Variants in ZNF461 observed in about 807,000 individuals in gnomAD.
The protein encoded by ZNF461 is zinc finger protein 461.
A neutral mutation model predicts 18.3 loss-of-function variants in ZNF461; 16 were observed. That is an observed-to-expected ratio of 0.88 (90% CI 0.59 to 1.33). ZNF461 has a LOEUF of 1.33. Ranked by LOEUF, ZNF461 falls within the 40% of genes most tolerant of loss-of-function variation. The pLI is 0.00. For synonymous variants in ZNF461, 179 were observed against 216.9 expected (o/e 0.83, Z 1.54); for missense variants, 595 against 669.9 (o/e 0.89, Z 1.23).
intron 4 of ZNF461, among the ~76,000 whole-genome samples, chr19:36,644,961 G>A (rs2145375827): frequency 1.3e-5 from 2 of 152,132 alleles, no homozygotes; most frequent in Admixed American, 1.3e-4. Flanking sequence ...GCTCACATCT[G>A]TAATCCCAGC....
chr19:36,664,574 A>T (rs2037871282), intron 2 of ZNF461, 124 bp downstream of exon 2: 1 of 686,910 alleles, frequency 1.5e-6, no homozygotes, highest in Non-Finnish European at 2.2e-6. Context: ...CCCACCTGGG[A>T]GACAGCGAGG....
At chr19:36,659,376 G>C (rs1463923607) in intron 2 of ZNF461, among the ~76,000 whole-genome samples, 3 of 152,132 alleles carry the variant, frequency 2.0e-5, no homozygotes, top group Non-Finnish European at 4.4e-5. Flanking sequence ...ATTTTGGGTT[G>C]GTTTATTATC....
chr19:36,642,675 T>TA (rs2037446412), intron 5 of ZNF461, among the ~76,000 whole-genome samples: 1 of 150,454 alleles, frequency 6.6e-6, no homozygotes, highest in Admixed American at 6.7e-5. Context: ...AGCAGGAAGT[T>TA]AGACTTCTTT....
chr19:36,646,333 T>C (rs1446852040), intron 4 of ZNF461, among the ~76,000 whole-genome samples: 1 of 152,152 alleles, frequency 6.6e-6, no homozygotes, highest in African/African-American at 2.4e-5. Context: ...AGTTTCACCA[T>C]GTTACCCAGG....
At chr19:36,651,233 GAAAAAA>G in intron 4 of ZNF461, among the ~76,000 whole-genome samples, 1 of 82,884 alleles carries the variant, frequency 1.2e-5, no homozygotes, top group Non-Finnish European at 2.3e-5. Flanking sequence ...TCCGTCTCAG[GAAAAAA>G]AAAAAAAAAA....
chr19:36,637,958 T>TA lies in ZNF461; in HGVS notation c.*694dup, dbSNP rs1321984460. 2 of 317,632 alleles carry TA rather than the reference T, an allele frequency of 6.3e-6. No homozygotes were observed. The highest frequency in any genetic ancestry group is 4.5e-5 in the African/African-American group (2 of 44,932). 19.7% of individuals were successfully genotyped at this position (317,632 alleles called of 1,614,324 possible). A position where few individuals can be genotyped will look rare whatever the true frequency, so the allele number is the denominator to read the frequency against. On this transcript the variant is annotated 3_prime_UTR_variant, in exon 6 of 6. Coordinates refer to ENST00000588268, the MANE Select transcript of ZNF461 (RefSeq NM_153257.5). The stretch of plus-strand genomic sequence containing the variant: ...ATTAAACAAAAAATTTAGAAGATTT[T>TA]AAAAAATAAATGTAATGTCAAAATA...
chr19:36,647,815 C>G (rs2037554960), intron 4 of ZNF461, among the ~76,000 whole-genome samples: 1 of 152,080 alleles, frequency 6.6e-6, no homozygotes, highest in South Asian at 2.1e-4. Flanking sequence ...GCGGTTTTCT[C>G]ATAAATGGTT....
At position 36,638,475 on chromosome 19, in the gene ZNF461, A is replaced by G. The variant is rs1484679727; in HGVS notation, c.*178T>C. ...TTTATTCTCAATAATGGTTAATACA[A>G]TAACTCAGAAACAGCATTAAAATGA... On this transcript the variant is annotated 3_prime_UTR_variant, in exon 6 of 6. Transcript: ENST00000588268. 7 of 503,986 alleles carry G rather than the reference A, an allele frequency of 1.4e-5. No individual in the cohort carries two copies. In the Admixed American group the frequency reaches 2.1e-4, roughly 15 times the overall value. The allele number at this position is 503,986 out of a possible 1,614,324, so 31.2% of individuals were successfully genotyped here. A position where few individuals can be genotyped will look rare whatever the true frequency, so the allele number is the denominator to read the frequency against.
At chr19:36,658,668 C>A in intron 2 of ZNF461, 1 of 352,762 alleles carries the variant, frequency 2.8e-6, no homozygotes, top group African/African-American at 2.1e-5. Context: ...GTTAATCAGT[C>A]ATCTCAAAAC....
At chr19:36,653,327 T>C (rs2037661068) in intron 4 of ZNF461, among the ~76,000 whole-genome samples, 1 of 152,178 alleles carries the variant, frequency 6.6e-6, no homozygotes, top group African/African-American at 2.4e-5. Context: ...TGTATGTGTA[T>C]ATGAAATAAA....
chr19:36,645,353 T>A (rs923376994), intron 4 of ZNF461: 5 of 152,196 alleles, frequency 3.3e-5, no homozygotes, highest in African/African-American at 1.2e-4. Context: ...GAAAATTTTT[T>A]AAAGTGTTTA....
intron 4 of ZNF461, among the ~76,000 whole-genome samples, chr19:36,649,695 T>G (rs1045517493): frequency 6.6e-6 from 1 of 152,110 alleles, no homozygotes; most frequent in Non-Finnish European, 1.5e-5. Flanking sequence ...GAGTAGATGT[T>G]AAATGTTCTC....
chr19:36,656,951 C>T (rs1394056634), intron 3 of ZNF461, among the ~76,000 whole-genome samples: 1 of 151,764 alleles, frequency 6.6e-6, no homozygotes, highest in African/African-American at 2.4e-5. Context: ...TCCTAAGTAG[C>T]TGGGATTATA....
chr19:36,638,838 C>T lies in ZNF461; in HGVS notation c.1507G>A (p.Gly503Arg). ...GEKPYECKEC[G>R]KAFSYHSSFS... The stretch of plus-strand genomic sequence containing the variant: ...CTTGAATGATAGCTAAAGGCCTTCC[C>T]ACATTCCTTACATTCATAGGGTTTC... The change falls in exon 6 of 6, where the codon GGG (glycine) becomes AGG (arginine). Residue 503 changes from glycine (G) to arginine (R), a missense_variant. Transcript: ENST00000588268. 1.2e-6 allele frequency: 2 copies of T among 1,614,042 alleles called. No homozygotes were observed. Among genetic ancestry groups the T allele is most frequent in the Non-Finnish European group, 8.5e-7 (1 of 1,180,020 alleles).
At chr19:36,656,729 C>T (rs2037727512) in intron 3 of ZNF461, among the ~76,000 whole-genome samples, 186 bp from the exon 4 acceptor site, 1 of 151,610 alleles carries the variant, frequency 6.6e-6, no homozygotes, top group African/African-American at 2.4e-5. Flanking sequence ...ACAAACAAAG[C>T]AAACAAACAG....
intron 4 of ZNF461, among the ~76,000 whole-genome samples, chr19:36,647,545 G>C (rs773055860): frequency 6.6e-5 from 10 of 151,520 alleles, no homozygotes; most frequent in Non-Finnish European, 7.4e-5. Flanking sequence ...TCTCAAAAAA[G>C]CAAAAAATAA....
intron 2 of ZNF461, among the ~76,000 whole-genome samples, chr19:36,661,973 G>A (rs1313531557): frequency 6.6e-6 from 1 of 152,008 alleles, no homozygotes; most frequent in Non-Finnish European, 1.5e-5. Flanking sequence ...GGGTTCAAGT[G>A]ATTCTTCTGC....
At chr19:36,647,649 G>A (rs2037551768) in intron 4 of ZNF461, among the ~76,000 whole-genome samples, 1 of 152,060 alleles carries the variant, frequency 6.6e-6, no homozygotes, top group South Asian at 2.1e-4. Flanking sequence ...TTGATTATAT[G>A]GCAATTCTAT....
chr19:36,646,825 T>A, intron 4 of ZNF461, among the ~76,000 whole-genome samples: 1 of 152,078 alleles, frequency 6.6e-6, no homozygotes, highest in South Asian at 2.1e-4. Context: ...TTTTGGAAAA[T>A]ATAACTTATT....
Sources: gnomAD v4.1 joint callset for allele counts (sites outside exome capture counted in the v4.1 genomes callset) on GRCh38, gnomAD v4.1.1 for gene constraint, MANE v1.5 for transcripts, NCBI Gene and HGNC (gene_info 2026-07-23, HGNC 2026-07-21) for gene names.